The following HDAC9 variants were observed in gnomAD, a reference collection of about 807,000 sequenced individuals.
The protein encoded by HDAC9 is histone deacetylase 9, also known as MEF-2 interacting transcription repressor (MITR) protein.
A neutral mutation model predicts 139.4 loss-of-function variants in HDAC9; 41 were observed. The ratio of observed to expected loss-of-function variants is 0.29; its 90% confidence interval spans 0.23 to 0.38. The LOEUF is 0.38. Ranked by LOEUF, HDAC9 falls within the 10% of genes least tolerant of loss-of-function variation. The pLI, the probability that HDAC9 is intolerant of heterozygous loss-of-function variation, is 1.00. For missense variants in HDAC9, 1,147 were observed against 1,297.0 expected, an observed-to-expected ratio of 0.88 and a Z score of 1.78; for synonymous variants, 517 against 476.2, an observed-to-expected ratio of 1.09 and a Z score of -1.12.
chr7:18,768,909 A>G (rs926528760), intron 16 of HDAC9, among the ~76,000 whole-genome samples: 2 of 152,170 alleles, frequency 1.3e-5, no homozygotes, highest in Non-Finnish European at 2.9e-5. Context: ...AAACTACATG[A>G]GATGTTTAAA....
chr7:18,550,833 C>A (rs1816874809), intron 2 of HDAC9, among the ~76,000 whole-genome samples: 1 of 152,088 alleles, frequency 6.6e-6, no homozygotes, highest in African/African-American at 2.4e-5. Context: ...AAAGATCTGA[C>A]TACAAAGGGC....
At chr7:18,552,794 A>G (rs557263270) in intron 2 of HDAC9, among the ~76,000 whole-genome samples, 51 of 152,306 alleles carry the variant, frequency 3.3e-4, no homozygotes, top group African/African-American at 1.2e-3. Flanking sequence ...GTTCAGAGAG[A>G]AATTCAACAC....
chr7:18,311,019 T>C (rs1799281923), intron 1 of HDAC9, among the ~76,000 whole-genome samples: 1 of 152,110 alleles, frequency 6.6e-6, no homozygotes, highest in Non-Finnish European at 1.5e-5. Flanking sequence ...ATAAGATCTT[T>C]ATGTTAATGT....
At chr7:18,606,706 C>G (rs773347360) in intron 6 of HDAC9, among the ~76,000 whole-genome samples, 2 of 151,900 alleles carry the variant, frequency 1.3e-5, no homozygotes, top group Non-Finnish European at 2.9e-5. Context: ...ATATTTTTTT[C>G]TAGATAATAA....
At chr7:18,106,376 C>T (rs1783203140) in intron 1 of HDAC9, among the ~76,000 whole-genome samples, 1 of 152,138 alleles carries the variant, frequency 6.6e-6, no homozygotes, top group African/African-American at 2.4e-5. Context: ...CTGTTCCTCT[C>T]TCCCTTGCAC....
At chr7:18,502,853 G>A (rs916089314) in intron 2 of HDAC9, among the ~76,000 whole-genome samples, 1 of 152,052 alleles carries the variant, frequency 6.6e-6, no homozygotes, top group Non-Finnish European at 1.5e-5. Flanking sequence ...TATTATAAAC[G>A]TGAATAGAGT....
At chr7:18,345,339 C>T (rs1472956937) in intron 1 of HDAC9, among the ~76,000 whole-genome samples, 1 of 151,814 alleles carries the variant, frequency 6.6e-6, no homozygotes, top group Non-Finnish European at 1.5e-5. Flanking sequence ...GGAATTTCTC[C>T]CTCCTTTGTG....
intron 6 of HDAC9, among the ~76,000 whole-genome samples, chr7:18,620,492 C>T (rs1277487040): frequency 6.7e-6 from 1 of 150,186 alleles, no homozygotes; most frequent in East Asian, 2.0e-4. Flanking sequence ...TACTAAAAAC[C>T]AGTGTTACTA....
chr7:18,097,728 T>C (rs1481613700), intron 1 of HDAC9, among the ~76,000 whole-genome samples: 2 of 152,066 alleles, frequency 1.3e-5, no homozygotes, highest in Non-Finnish European at 2.9e-5. Context: ...CCACCACACC[T>C]GGCTAATTTT....
At chr7:18,737,344 C>A (rs1406302920) in intron 13 of HDAC9, among the ~76,000 whole-genome samples, 1 of 152,158 alleles carries the variant, frequency 6.6e-6, no homozygotes, top group African/African-American at 2.4e-5. Flanking sequence ...GATTTTAGAT[C>A]TTTCCTGCTT....
In HDAC9 at chr7:18,980,714, C is replaced by CTT. The variant is rs1563103129; in HGVS notation, c.3170+4761_3170+4762insTT. Among the ~76,000 whole-genome samples, 9 of 139,900 alleles carry CTT rather than the reference C, an allele frequency of 6.4e-5. No homozygotes were observed. The South Asian group carries it at 6.9e-4, about 11-fold the overall frequency. The allele number at this position is 139,900 out of a possible 152,430, so 91.8% of individuals were successfully genotyped here. ...TTCTTCTTCCTTCTTCTTCCTTCTT[C>CTT]CTCTTCTTCTTCCTTCTTCTTCTTC... is the stretch of plus-strand genomic sequence containing the variant. On this transcript the variant is annotated intron_variant, in intron 25 of 25. Transcript: ENST00000686413.
intron 13 of HDAC9, among the ~76,000 whole-genome samples, chr7:18,732,863 ATG>A (rs1230466595): frequency 9.6e-6 from 1 of 104,014 alleles, no homozygotes; most frequent in Non-Finnish European, 1.9e-5. Context: ...ATGTGTGCGT[ATG>A]TGTACACACA....
chr7:18,362,444 A>G (rs1478467539), intron 1 of HDAC9, among the ~76,000 whole-genome samples: 1 of 152,230 alleles, frequency 6.6e-6, no homozygotes, highest in Non-Finnish European at 1.5e-5. Flanking sequence ...AAATCATGAT[A>G]TAGATTCTAA....
chr7:18,719,542 G>A (rs1055804421), intron 12 of HDAC9, among the ~76,000 whole-genome samples: 7 of 151,946 alleles, frequency 4.6e-5, no homozygotes, highest in Admixed American at 3.3e-4. Flanking sequence ...GTTTCACCAC[G>A]TTGGCCAGGC....
At chr7:18,940,817 G>C (rs1013611784) in intron 23 of HDAC9, among the ~76,000 whole-genome samples, 14 of 152,074 alleles carry the variant, frequency 9.2e-5, no homozygotes, top group Admixed American at 2.0e-4. Flanking sequence ...CAAGAGGTGA[G>C]AAAAGCTTTA....
At chr7:18,259,959 C>T (rs1013481085) in intron 2 of HDAC9, among the ~76,000 whole-genome samples, 16 of 152,144 alleles carry the variant, frequency 1.1e-4, no homozygotes, top group Non-Finnish European at 2.2e-4. Context: ...CAGTTTCCCC[C>T]ATATCATACT....
chr7:18,301,474 T>G (rs1798533561), intron 1 of HDAC9, among the ~76,000 whole-genome samples: 1 of 152,140 alleles, frequency 6.6e-6, no homozygotes, highest in Non-Finnish European at 1.5e-5. Context: ...ATCCTCTGTT[T>G]TATTCCAGAG....
At chr7:18,191,898 C>G (rs760454588) in intron 2 of HDAC9, among the ~76,000 whole-genome samples, 3 of 152,178 alleles carry the variant, frequency 2.0e-5, no homozygotes, top group Non-Finnish European at 2.9e-5. Context: ...AGCACAAATA[C>G]TGTTAGATTC....
At chr7:18,989,891 G>A (rs1785724212) in intron 25 of HDAC9, among the ~76,000 whole-genome samples, 1 of 150,610 alleles carries the variant, frequency 6.6e-6, no homozygotes, top group Admixed American at 6.7e-5. Flanking sequence ...TTGAGCCTTG[G>A]TTTTCAGCTC....
Sources: allele counts gnomAD v4.1 joint callset (sites outside exome capture counted in the v4.1 genomes callset), GRCh38; gene constraint gnomAD v4.1.1; transcripts MANE v1.5; gene names NCBI Gene and HGNC (gene_info 2026-07-23, HGNC 2026-07-21).